Variants in SIRT5 observed in about 807,000 individuals in gnomAD.
SIRT5 encodes NAD-dependent protein deacylase sirtuin-5, mitochondrial.
In SIRT5, 26 loss-of-function variants were observed where a neutral mutation model predicts 40.0. The ratio of observed to expected loss-of-function variants is 0.65; its 90% CI spans 0.48 to 0.90. The LOEUF is 0.90. SIRT5 is among the 40% of genes least tolerant of loss of function. SIRT5 has a pLI of 0.00. For missense variants in SIRT5, 401 were observed against 402.4 expected, an observed-to-expected ratio of 1.00 and a Z score of 0.03; for synonymous variants, 146 against 149.1, an observed-to-expected ratio of 0.98 and a Z score of 0.15.
chr6:13,597,056 A>G, intron 7 of SIRT5, 40 bp downstream of exon 7: 1 of 1,499,048 alleles, frequency 6.7e-7, no homozygotes, highest in Non-Finnish European at 9.1e-7. Context: ...GTTCCAGGTT[A>G]CCAAAACAAA....
At chr6:13,600,093 A>G (rs1762165104) in intron 8 of SIRT5, among the ~76,000 whole-genome samples, 1 of 152,244 alleles carries the variant, frequency 6.6e-6, no homozygotes, top group Non-Finnish European at 1.5e-5. Flanking sequence ...ATATCCTTAG[A>G]TAGAAATCTT....
At chr6:13,610,160 G>A (rs920351833) in intron 9 of SIRT5, among the ~76,000 whole-genome samples, 4 of 151,968 alleles carry the variant, frequency 2.6e-5, no homozygotes, top group Admixed American at 6.6e-5. Context: ...TTGTAGAGAC[G>A]GGGTCTTGCC....
chr6:13,598,285 A>G (rs969341927), intron 7 of SIRT5, among the ~76,000 whole-genome samples: 5 of 152,170 alleles, frequency 3.3e-5, no homozygotes, highest in Non-Finnish European at 5.9e-5. Context: ...GAGTGAAAGA[A>G]GAGAGATTTT....
chr6:13,578,405 G>T (rs1758891190), intron 1 of SIRT5, among the ~76,000 whole-genome samples: 1 of 151,966 alleles, frequency 6.6e-6, no homozygotes, highest in Non-Finnish European at 1.5e-5. Context: ...CGGATCACGA[G>T]GTCAGGAGAT....
At chr6:13,574,915 A>G (rs1359753383) in intron 1 of SIRT5, among the ~76,000 whole-genome samples, 171 bp downstream of exon 1, 1 of 152,040 alleles carries the variant, frequency 6.6e-6, no homozygotes, top group Non-Finnish European at 1.5e-5. Flanking sequence ...CACCCTGGTC[A>G]TTGCAGCTGC....
chr6:13,601,326 C>A (rs997854585), intron 9 of SIRT5, among the ~76,000 whole-genome samples: 6 of 152,212 alleles, frequency 3.9e-5, no homozygotes, highest in Admixed American at 2.0e-4. Flanking sequence ...ACCTGCCGTT[C>A]TTACTGGGAG....
chr6:13,589,528 A>AATAAATACTGCAAT (rs1190223488), intron 4 of SIRT5: 2 of 152,272 alleles, frequency 1.3e-5, no homozygotes, highest in African/African-American at 2.4e-5. Flanking sequence ...AGCAGTCATA[A>AATAAATACTGCAAT]ATAAATACTG....
chr6:13,604,293 C>T (rs1327895666), intron 9 of SIRT5, among the ~76,000 whole-genome samples: 1 of 152,184 alleles, frequency 6.6e-6, no homozygotes, highest in Non-Finnish European at 1.5e-5. Flanking sequence ...GTTGTGGCAC[C>T]TATGTGGAGC....
intron 2 of SIRT5, among the ~76,000 whole-genome samples, chr6:13,581,061 C>G (rs927059834): frequency 4.6e-5 from 7 of 152,276 alleles, no homozygotes; most frequent in African/African-American, 1.7e-4. Flanking sequence ...ACCATTTACC[C>G]AATTTCCTCT....
chr6:13,584,344 C>G, intron 3 of SIRT5, 119 bp downstream of exon 3: 2 of 723,820 alleles, frequency 2.8e-6, no homozygotes, highest in East Asian at 2.7e-5. Flanking sequence ...GAGAAAGCCA[C>G]TCTGTCATCT....
intron 3 of SIRT5, among the ~76,000 whole-genome samples, chr6:13,586,263 C>T (rs951251684): frequency 6.6e-6 from 1 of 152,148 alleles, no homozygotes. Flanking sequence ...TCCCATTTGT[C>T]TATTTTGGCT....
intron 9 of SIRT5, among the ~76,000 whole-genome samples, chr6:13,604,129 T>C (rs1389236400): frequency 1.3e-5 from 2 of 152,254 alleles, no homozygotes; most frequent in African/African-American, 4.8e-5. Flanking sequence ...GATGGTTGTA[T>C]AATTCTGTGA....
At chr6:13,599,414 GC>G (rs1317795747) in intron 8 of SIRT5, among the ~76,000 whole-genome samples, 1 of 151,966 alleles carries the variant, frequency 6.6e-6, no homozygotes, top group Non-Finnish European at 1.5e-5. Context: ...TCCTCCCCCA[GC>G]CCCACCAAAA....
intron 9 of SIRT5, among the ~76,000 whole-genome samples, chr6:13,611,207 GTA>G (rs1172335284): frequency 0.027 from 2,522 of 93,576 alleles, 34 homozygotes; most frequent in African/African-American, 0.043. Context: ...GTGTGTGTGT[GTA>G]TATATATATA....
intron 4 of SIRT5, among the ~76,000 whole-genome samples, chr6:13,590,595 AGTT>A (rs1760735869): frequency 6.6e-6 from 1 of 151,538 alleles, no homozygotes. Context: ...AGATATGTGT[AGTT>A]ATGTGTATGT....
rs895671739 is a variant in SIRT5, at chr6:13,579,592, T to A, written c.-53T>A. ...GCCGTGGAGACAACCATCTTCATTT[T>A]GGGAGAAATAACTAAAGGTATGTAT... is the stretch of plus-strand genomic sequence containing the variant. On this transcript the variant is annotated 5_prime_UTR_variant, in exon 2 of 10. Coordinates refer to ENST00000606117, the MANE Select transcript of SIRT5 (RefSeq NM_012241.5). 4 of 152,248 alleles carry A rather than the reference T, an allele frequency of 2.6e-5. No individual in the cohort carries two copies. The highest frequency in any genetic ancestry group is 9.6e-5 in the African/African-American group (4 of 41,468). 9.4% of individuals were successfully genotyped at this position (152,248 alleles called of 1,614,324 possible).
Position 13,584,204 on chromosome 6 carries a change from A to G in SIRT5, c.94A>G (p.Lys32Glu), listed in dbSNP as rs759819026. ...PASTRNQICLKMARPSSSMAD... is the reference protein window; with the variant it reads ...PASTRNQICLEMARPSSSMAD... ...GTCCACACGAAACCAGATTTGCCTG[A>G]AAATGGCTCGGCCAAGTTCAAGTAA... The change falls in exon 3 of 10, where the codon AAA becomes GAA. Residue 32 changes from lysine to glutamate, a missense_variant. By Grantham distance (56) the Lys-to-Glu change is moderately conservative. Transcript: ENST00000606117. The G allele has an allele frequency of 6.2e-7, 1 of 1,614,048 alleles. No homozygotes were observed. Among genetic ancestry groups the G allele is most frequent in the South Asian group, 1.1e-5 (1 of 91,076 alleles).
intron 9 of SIRT5, among the ~76,000 whole-genome samples, chr6:13,606,360 TGTTGGA>T (rs1311335977): frequency 6.6e-6 from 1 of 152,152 alleles, no homozygotes; most frequent in Non-Finnish European, 1.5e-5. Context: ...AGCTACCTGC[TGTTGGA>T]GTTTAGAAGT....
At chr6:13,605,367 T>G (rs200949660) in intron 9 of SIRT5, 2 of 980,890 alleles carry the variant, frequency 2.0e-6, no homozygotes, top group Non-Finnish European at 2.4e-6. Context: ...GTGTGGCCCT[T>G]TACAGAAAAA....
Sources: gnomAD v4.1 joint callset for allele counts (sites outside exome capture counted in the v4.1 genomes callset) on GRCh38, gnomAD v4.1.1 for gene constraint, MANE v1.5 for transcripts, NCBI Gene and HGNC (gene_info 2026-07-23, HGNC 2026-07-21) for gene names.